Variants in SMG5 observed in about 807,000 individuals in gnomAD.
SMG5 encodes the protein SMG5 nonsense mediated mRNA decay factor.
A neutral mutation model predicts 122.9 loss-of-function variants in SMG5; 53 were observed. The ratio of observed to expected loss-of-function variants is 0.43; its 90% CI spans 0.35 to 0.54. SMG5 has a LOEUF of 0.54. SMG5 is among the 20% of genes least tolerant of loss of function. The probability of loss-of-function intolerance (pLI) is 0.01; values close to 1 mark genes in which losing one functional copy is unlikely to be tolerated. For synonymous variants in SMG5, 477 were observed against 490.2 expected (o/e 0.97, Z 0.35); for missense variants, 1,153 against 1,285.6 (o/e 0.90, Z 1.58).
rs1436766295 is a variant in SMG5, at chr1:156,252,413, C to T, written c.2753+1G>A. On this transcript the variant is annotated splice_donor_variant, in intron 19 of 21. Coordinates refer to ENST00000361813, the MANE Select transcript of SMG5 (RefSeq NM_015327.3). LOFTEE classifies it high-confidence loss of function. Reference sequence around the variant, plus strand: ...CACAGGTCCAGCCAGGCCACACTCACCTGTTTCCTTTTTTAAACTCTGCCT... The same window carrying T: ...CACAGGTCCAGCCAGGCCACACTCATCTGTTTCCTTTTTTAAACTCTGCCT... The T allele has an allele frequency of 6.2e-7, 1 of 1,613,896 alleles. No homozygotes were observed. The highest frequency in any genetic ancestry group is 8.5e-7 in the Non-Finnish European group (1 of 1,179,968).
chr1:156,250,821 T>TA (rs1239130064), intron 21 of SMG5, 37 bp downstream of exon 21: 1 of 1,611,494 alleles, frequency 6.2e-7, no homozygotes, highest in African/African-American at 1.3e-5. Flanking sequence ...ACCTCGTCCC[T>TA]ATTCCACACC....
chr1:156,290,916 T>G, the SMG5 span: 3 of 142,678 alleles, frequency 2.1e-5, no homozygotes, highest in African/African-American at 2.7e-5. Flanking sequence ...TGGGGGAGAA[T>G]AGGGTGGGAA....
In SMG5 at chr1:156,282,770, C is replaced by G. The variant is rs1273887018; in HGVS notation, c.-90G>C. ...TGCCGTCTCCGGCCGTAGCCGCAGCCGCCGCCGCCACCGGCCCTGCTCGGC... is the reference window on the plus strand; with the variant it reads ...TGCCGTCTCCGGCCGTAGCCGCAGCGGCCGCCGCCACCGGCCCTGCTCGGC... On this transcript the variant is annotated 5_prime_UTR_variant, in exon 1 of 22. Transcript: ENST00000361813. 1.5e-6 allele frequency: 2 copies of G among 1,367,910 alleles called. No individual in the cohort carries two copies. The highest frequency in any genetic ancestry group is 9.8e-7 in the Non-Finnish European group (1 of 1,020,160). The allele number at this position is 1,367,910 out of a possible 1,614,324, so 84.7% of individuals were successfully genotyped here.
chr1:156,263,524 G>T lies in SMG5; in HGVS notation c.1902C>A (p.Arg634=). ...SESEGSESSG[R]SCRNERSIQE... ...GGATGCTGCGCTCATTCCGACAGGA[G>T]CGTCCACTGGACTCACTCCCCTCCG... is the stretch of plus-strand genomic sequence containing the variant. The change falls in exon 13 of 22, where the codon CGC becomes CGA. Residue 634 remains arginine, a synonymous_variant. Coordinates refer to ENST00000361813, the MANE Select transcript of SMG5 (RefSeq NM_015327.3). 1 of 1,614,238 alleles carries T rather than the reference G, an allele frequency of 6.2e-7. No individual in the cohort carries two copies. The highest frequency in any genetic ancestry group is 8.5e-7 in the Non-Finnish European group (1 of 1,180,048).
intron 5 of SMG5, among the ~76,000 whole-genome samples, chr1:156,273,708 G>A (rs972522422): frequency 1.5e-5 from 2 of 133,208 alleles, no homozygotes; most frequent in Non-Finnish European, 3.3e-5. Flanking sequence ...TTCTTTTTTT[G>A]TTTTGTTTTC....
At chr1:156,285,726 C>T, upstream of SMG5, 2 of 1,613,254 alleles carry the variant, frequency 1.2e-6, no homozygotes, top group East Asian at 2.2e-5. Flanking sequence ...GTCACCCACC[C>T]CGACCCCACT....
intron 16 of SMG5, among the ~76,000 whole-genome samples, chr1:156,256,942 T>C (rs1260844857): frequency 7.2e-6 from 1 of 138,888 alleles, no homozygotes; most frequent in Non-Finnish European, 1.6e-5. Context: ...TTTTTTTTTT[T>C]TCCAGACAGA....
chr1:156,263,155 G>A (rs1661933615), intron 13 of SMG5, among the ~76,000 whole-genome samples: 1 of 152,190 alleles, frequency 6.6e-6, no homozygotes, highest in Non-Finnish European at 1.5e-5. Context: ...GCCCAGCATT[G>A]GGGATACAAA....
intron 15 of SMG5, among the ~76,000 whole-genome samples, chr1:156,260,111 G>A (rs972555035): frequency 3.3e-5 from 5 of 152,190 alleles, no homozygotes; most frequent in African/African-American, 1.2e-4. Context: ...TGTTCAGCTC[G>A]GAGCAGGCTG....
intron 13 of SMG5, among the ~76,000 whole-genome samples, chr1:156,262,444 C>T (rs943814418): frequency 6.9e-6 from 1 of 144,746 alleles, no homozygotes; most frequent in African/African-American, 2.6e-5. Context: ...CCACTGCACT[C>T]CAGCCTGGGC....
At position 156,250,242 on chromosome 1, in the gene SMG5, C is replaced by G. The variant is rs1424903015; in HGVS notation, c.*345G>C. ...AGAAGGGCCTCTTTTGCTGTTCCTT[C>G]CCCTCAGAGATCCAAGAACCCATTC... On this transcript the variant is annotated 3_prime_UTR_variant, in exon 22 of 22. Coordinates refer to ENST00000361813, the MANE Select transcript of SMG5 (RefSeq NM_015327.3). 6.7e-5 allele frequency: 25 copies of G among 374,978 alleles called. 1 individual carries two copies. The highest frequency in any genetic ancestry group is 3.0e-4 in the South Asian group (13 of 42,682). The allele number at this position is 374,978 out of a possible 1,614,324, so 23.2% of individuals were successfully genotyped here.
At chr1:156,287,067 G>C (rs1003672279), upstream of SMG5, among the ~76,000 whole-genome samples, 9 of 152,030 alleles carry the variant, frequency 5.9e-5, no homozygotes, top group African/African-American at 1.7e-4. Flanking sequence ...AGATTGCAGT[G>C]ACACAAGATC....
chr1:156,282,439 A>G (rs988707715), intron 1 of SMG5, among the ~76,000 whole-genome samples, 168 bp downstream of exon 1: 3 of 151,946 alleles, frequency 2.0e-5, no homozygotes, highest in African/African-American at 7.2e-5. Flanking sequence ...TCCTCCTTTC[A>G]GTTCCATCCC....
At chr1:156,274,572 G>C in intron 5 of SMG5, 25 bp downstream of exon 5, 1 of 1,609,090 alleles carries the variant, frequency 6.2e-7, no homozygotes, top group South Asian at 1.1e-5. Context: ...CCAAAACAGA[G>C]AAAATGAAAG....
At position 156,278,078 on chromosome 1, in the gene SMG5, C is replaced by T. The variant is rs1193533399; in HGVS notation, c.174-30G>A. On this transcript the variant is annotated intron_variant, in intron 2 of 21. Transcript: ENST00000361813. ...AGGGTGTAGAGGAGCATGAGAGAGACAGCCCATCCCTTGGAGCAGGGACAT... is the reference window on the plus strand; with the variant it reads ...AGGGTGTAGAGGAGCATGAGAGAGATAGCCCATCCCTTGGAGCAGGGACAT... 4 of 1,611,786 alleles carry T rather than the reference C, an allele frequency of 2.5e-6. No homozygotes were observed. The Admixed American group carries it at 6.7e-5, about 27-fold the overall frequency.
chr1:156,266,801 C>A, intron 10 of SMG5, 123 bp from the exon 11 acceptor site: 92 of 885,852 alleles, frequency 1.0e-4, no homozygotes, highest in Non-Finnish European at 1.3e-4. Context: ...ATCAAAGATT[C>A]TTTTTTTTTT....
At chr1:156,277,565 T>G (rs1249065647) in intron 3 of SMG5, among the ~76,000 whole-genome samples, 1 of 149,760 alleles carries the variant, frequency 6.7e-6, no homozygotes, top group East Asian at 2.0e-4. Flanking sequence ...CTGGCTGGAG[T>G]ACAATGGCGC....
intron 21 of SMG5, 84 bp downstream of exon 21, chr1:156,250,774 G>C (rs1018566007): frequency 6.2e-7 from 1 of 1,603,518 alleles, no homozygotes; most frequent in Admixed American, 1.7e-5. Context: ...AAAAAAGGTA[G>C]CTATGTGGAG....
chr1:156,273,479 T>G lies in SMG5; in HGVS notation c.545-29A>C, dbSNP rs1315484544. On this transcript the variant is annotated intron_variant, in intron 5 of 21. Transcript: ENST00000361813. ...CACAAGAGAGAAAACGAAGGGAAACTCGATGATTTTAAGTTTCAGAAAACC... is the reference window on the plus strand; with the variant it reads ...CACAAGAGAGAAAACGAAGGGAAACGCGATGATTTTAAGTTTCAGAAAACC... 3.1e-6 allele frequency: 5 copies of G among 1,603,862 alleles called. No individual in the cohort carries two copies. The Admixed American group carries it at 8.4e-5, about 27-fold the overall frequency.
Sources: gnomAD v4.1 joint callset for allele counts (sites outside exome capture counted in the v4.1 genomes callset) on GRCh38, gnomAD v4.1.1 for gene constraint, MANE v1.5 for transcripts, NCBI Gene and HGNC (gene_info 2026-07-23, HGNC 2026-07-21) for gene names.